Variants in ZNF148 observed in about 807,000 individuals in gnomAD.
ZNF148 encodes the protein Beta-Enolase Repressor Factor-1.
ZNF148 carries 7 observed loss-of-function variants against 67.7 expected under a neutral mutation model. That is an observed-to-expected ratio of 0.10 (90% CI 0.06 to 0.19). The LOEUF (loss-of-function observed/expected upper bound fraction) is 0.19. ZNF148 is among the 10% of genes least tolerant of loss of function. The pLI, the probability that ZNF148 is intolerant of heterozygous loss-of-function variation, is 1.00. For synonymous variants in ZNF148, 333 were observed against 330.7 expected (o/e 1.01, Z -0.08); for missense variants, 583 against 947.1 (o/e 0.62, Z 5.05).
intron 4 of ZNF148, among the ~76,000 whole-genome samples, chr3:125,307,907 G>A (rs1284806130): frequency 3.3e-5 from 5 of 150,166 alleles, no homozygotes; most frequent in Non-Finnish European, 4.4e-5. Flanking sequence ...TGCCTGCCTC[G>A]GCCCCCTAAA....
At chr3:125,342,302 A>G (rs923252317) in intron 1 of ZNF148, among the ~76,000 whole-genome samples, 13 of 151,964 alleles carry the variant, frequency 8.6e-5, no homozygotes, top group Non-Finnish European at 1.5e-4. Flanking sequence ...GCCTAACGAA[A>G]TTCACTCTAA....
intron 7 of ZNF148, among the ~76,000 whole-genome samples, chr3:125,248,153 A>G (rs1936684635): frequency 6.6e-6 from 1 of 152,248 alleles, no homozygotes; most frequent in African/African-American, 2.4e-5. Flanking sequence ...ATGTAAAATT[A>G]GTAAAATGGC....
chr3:125,284,436 G>A (rs962643756), intron 5 of ZNF148, among the ~76,000 whole-genome samples: 2 of 152,054 alleles, frequency 1.3e-5, no homozygotes, highest in African/African-American at 2.4e-5. Context: ...TGAATAGCAC[G>A]TCACCAAGGA....
intron 1 of ZNF148, among the ~76,000 whole-genome samples, chr3:125,338,451 T>G (rs1365458343): frequency 6.6e-6 from 1 of 152,024 alleles, no homozygotes; most frequent in Admixed American, 6.5e-5. Flanking sequence ...CATTTAACTT[T>G]GATTTTTAAA....
At chr3:125,333,329 T>C (rs1289029448) in intron 1 of ZNF148, among the ~76,000 whole-genome samples, 1 of 152,118 alleles carries the variant, frequency 6.6e-6, no homozygotes, top group Admixed American at 6.5e-5. Context: ...CAAAATAATA[T>C]AACCTCAAAG....
chr3:125,255,236 C>CCT (rs1937018699), intron 7 of ZNF148, among the ~76,000 whole-genome samples: 2 of 62,136 alleles, frequency 3.2e-5, no homozygotes, highest in Non-Finnish European at 5.6e-5. Flanking sequence ...TCTCCACCTG[C>CCT]TTTTTTTTTT....
intron 7 of ZNF148, among the ~76,000 whole-genome samples, chr3:125,270,191 T>C (rs1937655892): frequency 6.6e-6 from 1 of 151,980 alleles, no homozygotes; most frequent in Non-Finnish European, 1.5e-5. Context: ...GTAAACTGAG[T>C]ATATTTTCTG....
chr3:125,339,978 A>C (rs905141829), intron 1 of ZNF148, among the ~76,000 whole-genome samples: 12 of 152,188 alleles, frequency 7.9e-5, no homozygotes, highest in African/African-American at 2.9e-4. Flanking sequence ...AGTTCAGATA[A>C]AATGGCCTAG....
intron 3 of ZNF148, 104 bp downstream of exon 3, chr3:125,323,205 C>T: frequency 2.4e-6 from 1 of 414,294 alleles, no homozygotes; most frequent in Non-Finnish European, 4.3e-6. Context: ...CTTTAAGAAA[C>T]TATTATATAA....
intron 4 of ZNF148, among the ~76,000 whole-genome samples, chr3:125,300,189 C>A (rs1939512808): frequency 6.6e-6 from 1 of 152,160 alleles, no homozygotes; most frequent in African/African-American, 2.4e-5. Context: ...CCAGGCTGGA[C>A]TTGAACTCCT....
chr3:125,359,058 C>T (rs1258673239), intron 1 of ZNF148, among the ~76,000 whole-genome samples: 1 of 152,226 alleles, frequency 6.6e-6, no homozygotes, highest in Admixed American at 6.5e-5. Flanking sequence ...ATATGCTCTC[C>T]CTCAACAAGG....
intron 7 of ZNF148, among the ~76,000 whole-genome samples, chr3:125,239,374 C>T (rs1166745189): frequency 6.6e-6 from 1 of 152,250 alleles, no homozygotes; most frequent in South Asian, 2.1e-4. Flanking sequence ...GATCTGAATG[C>T]GCATTTCTCC....
intron 5 of ZNF148, among the ~76,000 whole-genome samples, chr3:125,284,606 A>C (rs1192445315): frequency 6.6e-6 from 1 of 152,206 alleles, no homozygotes; most frequent in Non-Finnish European, 1.5e-5. Flanking sequence ...GCTTCAAGAC[A>C]TTAAAAGCTG....
At chr3:125,364,204 G>A (rs1181616950) in intron 1 of ZNF148, among the ~76,000 whole-genome samples, 1 of 152,128 alleles carries the variant, frequency 6.6e-6, no homozygotes, top group Non-Finnish European at 1.5e-5. Flanking sequence ...TTTGAGAAAA[G>A]CCTGGCCAAT....
chr3:125,332,777 A>G (rs1941341748), intron 1 of ZNF148, among the ~76,000 whole-genome samples: 1 of 152,198 alleles, frequency 6.6e-6, no homozygotes, highest in South Asian at 2.1e-4. Context: ...GTGCTGCCTG[A>G]TTCATGAATA....
In ZNF148 at chr3:125,230,904, AC is replaced by A. The variant is rs1256504885; in HGVS notation, c.*1436del. Reference sequence around the variant, plus strand: ...CAAAACTGCCCAACGCATAACTCAAACCATCATTCTTCAGAAAAGTGTGTGT... The same window carrying A: ...CAAAACTGCCCAACGCATAACTCAAACATCATTCTTCAGAAAAGTGTGTGT... On this transcript the variant is annotated 3_prime_UTR_variant, in exon 9 of 9. Transcript: ENST00000360647. 11 of 152,444 alleles carry A rather than the reference AC, an allele frequency of 7.2e-5. No individual in the cohort carries two copies. Among genetic ancestry groups the A allele is most frequent in the Admixed American group, 2.6e-4 (4 of 15,280 alleles). 9.4% of individuals were successfully genotyped at this position (152,444 alleles called of 1,614,324 possible). A position where few individuals can be genotyped will look rare whatever the true frequency, so the allele number is the denominator to read the frequency against.
Position 125,237,968 on chromosome 3 carries a change from C to T in ZNF148, c.668-3639G>A, listed in dbSNP as rs1936169513. On this transcript the variant is annotated intron_variant, in intron 7 of 8. Transcript: ENST00000360647. ...CATATCAAGGAATAAAATTCAGAGTCCAAAAGTAAATCCTTACATTTATGG... is the reference window on the plus strand; with the variant it reads ...CATATCAAGGAATAAAATTCAGAGTTCAAAAGTAAATCCTTACATTTATGG... Among the ~76,000 whole-genome samples, 2 of 152,048 alleles carry T rather than the reference C, an allele frequency of 1.3e-5. 1 individual carries two copies. Among genetic ancestry groups the T allele is most frequent in the South Asian group, 4.1e-4 (2 of 4,826 alleles).
chr3:125,273,779 G>A (rs1393790131), intron 7 of ZNF148, among the ~76,000 whole-genome samples: 2 of 151,960 alleles, frequency 1.3e-5, no homozygotes, highest in East Asian at 1.9e-4. Context: ...GCACCCGGCC[G>A]GGAGGAGAAT....
At position 125,253,849 on chromosome 3, in the gene ZNF148, T is replaced by TA. The variant is rs150303716; in HGVS notation, c.668-19521dup. Among the ~76,000 whole-genome samples, 840 of 152,302 alleles carry TA rather than the reference T, an allele frequency of 5.5e-3. 7 individuals carry two copies. The highest frequency in any genetic ancestry group is 0.019 in the African/African-American group (794 of 41,572). On this transcript the variant is annotated intron_variant, in intron 7 of 8. Coordinates refer to ENST00000360647, the MANE Select transcript of ZNF148 (RefSeq NM_021964.3). ...CATAGAACTCTTAAACCCATGTTGA[T>TA]AAGACAGAAATAGGTCTGCAATTTT...
Sources: gnomAD v4.1 joint callset for allele counts (sites outside exome capture counted in the v4.1 genomes callset) on GRCh38, gnomAD v4.1.1 for gene constraint, MANE v1.5 for transcripts, NCBI Gene and HGNC (gene_info 2026-07-23, HGNC 2026-07-21) for gene names.